The following MRPS28 variants were observed in gnomAD, a reference collection of about 807,000 sequenced individuals.
The protein encoded by MRPS28 is small ribosomal subunit protein bS1m.
Under a neutral mutation model 10.8 loss-of-function variants are expected in MRPS28, and 7 were observed. The ratio of observed to expected loss-of-function variants is 0.65; its 90% CI spans 0.37 to 1.22. The LOEUF (loss-of-function observed/expected upper bound fraction) is 1.22, where lower values mean the gene tolerates loss of function less well. MRPS28 is among the 50% of genes most tolerant of loss of function. The probability of loss-of-function intolerance (pLI) is 0.02; values close to 1 mark genes in which losing one functional copy is unlikely to be tolerated. For synonymous variants in MRPS28, 121 were observed against 93.3 expected (o/e 1.30, Z -1.71); for missense variants, 265 against 232.9 (o/e 1.14, Z -0.90).
chr8:79,982,610 A>C (rs9693265), intron 2 of MRPS28, among the ~76,000 whole-genome samples: 112,212 of 152,100 alleles, frequency 0.74, 41,586 homozygotes, highest in East Asian at 0.85. Flanking sequence ...CCAGGAGATT[A>C]TATCCTGCAC....
chr8:80,027,949 C>T (rs1178154841), intron 1 of MRPS28, among the ~76,000 whole-genome samples: 1 of 152,056 alleles, frequency 6.6e-6, no homozygotes, highest in Admixed American at 6.5e-5. Flanking sequence ...GAAAATCTAA[C>T]GGATGTGCTG....
chr8:79,976,897 ACCTTTAAGCCTACTTG>A (rs1436081182), intron 2 of MRPS28, among the ~76,000 whole-genome samples: 4 of 152,234 alleles, frequency 2.6e-5, no homozygotes, highest in Non-Finnish European at 4.4e-5. Context: ...AATATTAATA[ACCTTTAAGCCTACTTG>A]CTCCACTTAA....
At position 79,919,061 on chromosome 8, in the gene MRPS28, A is replaced by G; in HGVS notation, c.483T>C (p.Thr161=). The G allele has an allele frequency of 6.2e-7, 1 of 1,611,618 alleles. No homozygotes were observed. Among genetic ancestry groups the G allele is most frequent in the Non-Finnish European group, 8.5e-7 (1 of 1,178,966 alleles). ...SRFLGATTDT[T]VLEANAVLLG... is the part of the protein sequence containing the mutation. ...AGAGAACTGCATTAGCCTCTAGTAC[A>G]GTTGTATCTGTTGTTGCTCCCAGGA... Residue 161 remains threonine (T), a synonymous_variant, in exon 3 of 3, where the codon ACT becomes ACC. Coordinates refer to ENST00000276585, the MANE Select transcript of MRPS28 (RefSeq NM_014018.3).
At chr8:79,984,582 C>A (rs1586077073) in intron 2 of MRPS28, among the ~76,000 whole-genome samples, 1 of 152,122 alleles carries the variant, frequency 6.6e-6, no homozygotes, top group East Asian at 1.9e-4. Flanking sequence ...GGAGGAAGAT[C>A]TACCAAGCAA....
intron 2 of MRPS28, among the ~76,000 whole-genome samples, chr8:79,987,480 T>C (rs1244744792): frequency 2.0e-5 from 3 of 151,776 alleles, no homozygotes; most frequent in African/African-American, 7.3e-5. Flanking sequence ...ACCATCAGAG[T>C]GAACAGGCAA....
intron 1 of MRPS28, among the ~76,000 whole-genome samples, chr8:80,013,063 T>G (rs1809095891): frequency 6.6e-6 from 1 of 152,006 alleles, no homozygotes; most frequent in Non-Finnish European, 1.5e-5. Context: ...CATAGCAAAC[T>G]TAAAAGAAAA....
intron 1 of MRPS28, among the ~76,000 whole-genome samples, chr8:80,005,511 G>C (rs1042768105): frequency 6.6e-6 from 1 of 152,100 alleles, no homozygotes; most frequent in Non-Finnish European, 1.5e-5. Flanking sequence ...AGGAACAACC[G>C]GTACCAGACA....
intron 2 of MRPS28, among the ~76,000 whole-genome samples, chr8:79,985,242 A>G (rs957385477): frequency 2.6e-5 from 4 of 152,230 alleles, no homozygotes; most frequent in African/African-American, 9.7e-5. Flanking sequence ...ACAAAGACAC[A>G]ACATACCGGA....
At chr8:79,988,984 G>C (rs2130113494) in intron 2 of MRPS28, among the ~76,000 whole-genome samples, 1 of 152,304 alleles carries the variant, frequency 6.6e-6, no homozygotes, top group East Asian at 1.9e-4. Flanking sequence ...ATAAAGGTAT[G>C]TGACAATTTC....
Position 80,011,591 on chromosome 8 carries a change from T to C in MRPS28, c.214-8411A>G, listed in dbSNP as rs576443397. Among the ~76,000 whole-genome samples the C allele has an allele frequency of 1.5e-4, 23 of 151,798 alleles. 1 individual carries two copies. Among genetic ancestry groups the C allele is most frequent in the Admixed American group, 1.2e-3 (19 of 15,240 alleles). ...CAACACGGTGAAACCCTGTCTCTACTAAAATACAAAAATTAGTCGGGCATG... is the reference window on the plus strand; with the variant it reads ...CAACACGGTGAAACCCTGTCTCTACCAAAATACAAAAATTAGTCGGGCATG... On this transcript the variant is annotated intron_variant, in intron 1 of 2. Coordinates refer to ENST00000276585, the MANE Select transcript of MRPS28 (RefSeq NM_014018.3).
intron 2 of MRPS28, among the ~76,000 whole-genome samples, chr8:79,923,063 C>T (rs1231897159): frequency 3.3e-5 from 5 of 151,968 alleles, no homozygotes; most frequent in Non-Finnish European, 5.9e-5. Flanking sequence ...AAATAAATGT[C>T]CTTTTGTAAA....
intron 2 of MRPS28, among the ~76,000 whole-genome samples, chr8:80,000,723 C>T (rs1808639265): frequency 6.6e-6 from 1 of 152,124 alleles, no homozygotes; most frequent in South Asian, 2.1e-4. Context: ...AAATCTGATA[C>T]TTAAAAATCT....
chr8:79,947,554 T>A (rs1240259205), intron 2 of MRPS28, among the ~76,000 whole-genome samples: 1 of 152,028 alleles, frequency 6.6e-6, no homozygotes, highest in Non-Finnish European at 1.5e-5. Flanking sequence ...TATTTAGCTC[T>A]TGTTTAATTT....
At chr8:80,005,591 A>G (rs1808815534) in intron 1 of MRPS28, among the ~76,000 whole-genome samples, 1 of 152,212 alleles carries the variant, frequency 6.6e-6, no homozygotes, top group African/African-American at 2.4e-5. Context: ...GAGCAAAACA[A>G]CCAGCTAACA....
At chr8:79,936,734 T>C (rs555286432) in intron 2 of MRPS28, among the ~76,000 whole-genome samples, 2 of 152,350 alleles carry the variant, frequency 1.3e-5, no homozygotes, top group South Asian at 4.1e-4. Context: ...ATATGACATA[T>C]GATGGCAACC....
chr8:79,982,285 C>T (rs1416445021), intron 2 of MRPS28, among the ~76,000 whole-genome samples: 1 of 152,110 alleles, frequency 6.6e-6, no homozygotes, highest in Admixed American at 6.6e-5. Flanking sequence ...ATGGTGGAGC[C>T]AAGATGGCCA....
chr8:79,959,999 G>A (rs1466698391), intron 2 of MRPS28, among the ~76,000 whole-genome samples: 1 of 152,062 alleles, frequency 6.6e-6, no homozygotes, highest in Non-Finnish European at 1.5e-5. Context: ...CTCAAATCCT[G>A]ACAACATCCT....
chr8:79,962,597 C>A (rs777510513), intron 2 of MRPS28, among the ~76,000 whole-genome samples: 1 of 152,078 alleles, frequency 6.6e-6, no homozygotes, highest in Non-Finnish European at 1.5e-5. Flanking sequence ...CTAGTGACAG[C>A]AGGAATTAGA....
At chr8:79,984,958 T>A (rs899655334) in intron 2 of MRPS28, among the ~76,000 whole-genome samples, 3 of 152,142 alleles carry the variant, frequency 2.0e-5, no homozygotes, top group African/African-American at 7.2e-5. Flanking sequence ...CCACCCCAAA[T>A]CAACAGAATA....
Sources: gnomAD v4.1 joint callset for allele counts (sites outside exome capture counted in the v4.1 genomes callset) on GRCh38, gnomAD v4.1.1 for gene constraint, MANE v1.5 for transcripts, NCBI Gene and HGNC (gene_info 2026-07-23, HGNC 2026-07-21) for gene names.